OR51B5: variants seen among roughly 807,000 people sequenced by gnomAD.
OR51B5 encodes the protein olfactory receptor 51B5.
For synonymous variants in OR51B5, 186 were observed against 144.8 expected, an observed-to-expected ratio of 1.28 and a Z score of -2.04; for missense variants, 456 against 374.6, an observed-to-expected ratio of 1.22 and a Z score of -1.79.
At chr11:5,409,402 A>G (rs1375693307) in intron 1 of OR51B5, among the ~76,000 whole-genome samples, 1 of 152,182 alleles carries the variant, frequency 6.6e-6, no homozygotes, top group African/African-American at 2.4e-5. Context: ...TCCAATTAGT[A>G]TTTTTCAAAA....
intron 1 of OR51B5, among the ~76,000 whole-genome samples, chr11:5,359,785 C>T (rs1849252912): frequency 6.6e-6 from 1 of 151,394 alleles, no homozygotes; most frequent in Admixed American, 6.6e-5. Context: ...GGTACTGGTA[C>T]CAAAACAGAG....
At chr11:5,372,910 G>T (rs1333648368) in intron 1 of OR51B5, among the ~76,000 whole-genome samples, 1 of 152,146 alleles carries the variant, frequency 6.6e-6, no homozygotes, top group Non-Finnish European at 1.5e-5. Context: ...CACACGTTCT[G>T]ATTTCAAATT....
At chr11:5,489,144 A>G (rs968967262) in intron 1 of OR51B5, 1 of 1,613,866 alleles carries the variant, frequency 6.2e-7, no homozygotes, top group African/African-American at 1.3e-5. Context: ...TCATAGGCAG[A>G]ATTGGCTTTG....
intron 1 of OR51B5, among the ~76,000 whole-genome samples, chr11:5,352,806 A>T (rs1034411705): frequency 1.4e-5 from 2 of 145,394 alleles, no homozygotes; most frequent in Non-Finnish European, 3.0e-5. Flanking sequence ...ACTATTATAT[A>T]TATTTAATAT....
chr11:5,436,368 G>A (rs986772), intron 1 of OR51B5, among the ~76,000 whole-genome samples: 141,140 of 152,276 alleles, frequency 0.93, 65,488 homozygotes, highest in Non-Finnish European at 0.95. Context: ...AGTTCTGGAA[G>A]GAGAATGTCA....
chr11:5,435,588 A>G (rs910956149), intron 1 of OR51B5, among the ~76,000 whole-genome samples: 1 of 47,484 alleles, frequency 2.1e-5, no homozygotes, highest in Admixed American at 2.5e-4. Flanking sequence ...AACTGGATGA[A>G]TAAATAACTG....
intron 1 of OR51B5, among the ~76,000 whole-genome samples, chr11:5,410,322 T>C (rs1013534239): frequency 1.4e-4 from 21 of 152,092 alleles, no homozygotes; most frequent in African/African-American, 4.8e-4. Context: ...GAAAGAGATA[T>C]CATTTGAGTT....
intron 1 of OR51B5, chr11:5,352,045 C>A (rs1564916321): frequency 1.2e-6 from 2 of 1,614,004 alleles, no homozygotes; most frequent in Non-Finnish European, 1.7e-6. Context: ...CTGTCTACAC[C>A]AAGATGTCAT....
At chr11:5,427,592 C>T (rs1227706325) in intron 1 of OR51B5, among the ~76,000 whole-genome samples, 3 of 152,106 alleles carry the variant, frequency 2.0e-5, no homozygotes, top group Non-Finnish European at 4.4e-5. Flanking sequence ...CTAGGAGCAC[C>T]TAGAAGTGAC....
intron 1 of OR51B5, among the ~76,000 whole-genome samples, chr11:5,373,787 G>A (rs545497857): frequency 3.9e-5 from 6 of 152,302 alleles, no homozygotes; most frequent in East Asian, 1.9e-4. Context: ...AGGGGCAGCC[G>A]CCATTGCCCA....
chr11:5,437,525 T>C (rs1850609463), intron 1 of OR51B5, among the ~76,000 whole-genome samples: 1 of 152,204 alleles, frequency 6.6e-6, no homozygotes, highest in South Asian at 2.1e-4. Context: ...CATTCCAGGA[T>C]ACTGAAGGAC....
chr11:5,446,899 G>T (rs553192902), intron 1 of OR51B5, among the ~76,000 whole-genome samples: 1 of 152,318 alleles, frequency 6.6e-6, no homozygotes, highest in African/African-American at 2.4e-5. Context: ...GGGATATGGG[G>T]ATATAAATCG....
intron 1 of OR51B5, chr11:5,351,915 C>T (rs1209176482): frequency 9.3e-6 from 15 of 1,613,062 alleles, no homozygotes; most frequent in Non-Finnish European, 1.1e-5. Flanking sequence ...TCCTGACCAA[C>T]ACCCAGGTAA....
chr11:5,486,113 C>T (rs1271152183), intron 1 of OR51B5, among the ~76,000 whole-genome samples: 1 of 134,298 alleles, frequency 7.4e-6, no homozygotes, highest in Non-Finnish European at 1.6e-5. Flanking sequence ...GACTTCCAGC[C>T]TCCACAACTG....
intron 1 of OR51B5, among the ~76,000 whole-genome samples, chr11:5,430,300 T>C (rs1271878219): frequency 6.6e-6 from 1 of 152,186 alleles, no homozygotes; most frequent in Non-Finnish European, 1.5e-5. Context: ...TAAATTTAAA[T>C]TTCATTAAGT....
chr11:5,360,247 C>T (rs28852077), intron 1 of OR51B5, among the ~76,000 whole-genome samples: 58,473 of 150,110 alleles, frequency 0.39, 11,632 homozygotes, highest in African/African-American at 0.41. Context: ...TCTACTCATC[C>T]GACAAAGGGC....
At chr11:5,499,554 C>A (rs142101673) in intron 1 of OR51B5, among the ~76,000 whole-genome samples, 1 of 152,166 alleles carries the variant, frequency 6.6e-6, no homozygotes, top group East Asian at 1.9e-4. Context: ...GGGACCTCAA[C>A]TAGCAGGGTC....
At chr11:5,341,354 A>T (rs1277815062), downstream of OR51B5, 1 of 151,962 alleles carries the variant, frequency 6.6e-6, no homozygotes, top group East Asian at 1.9e-4. Flanking sequence ...CTGAGTTGAG[A>T]ACAACAACCT....
At chr11:5,344,500 G>T (rs1848959752), upstream of OR51B5, among the ~76,000 whole-genome samples, 1 of 152,098 alleles carries the variant, frequency 6.6e-6, no homozygotes, top group Non-Finnish European at 1.5e-5. Context: ...AATACTGAGT[G>T]AGAGCTATTT....
Sources: gnomAD v4.1 joint callset for allele counts (sites outside exome capture counted in the v4.1 genomes callset) on GRCh38, gnomAD v4.1.1 for gene constraint, MANE v1.5 for transcripts, NCBI Gene and HGNC (gene_info 2026-07-23, HGNC 2026-07-21) for gene names.